The following NR3C2 variants were observed in gnomAD, a reference collection of about 807,000 sequenced individuals.
NR3C2 encodes the protein nuclear receptor subfamily 3 group C member 2.
NR3C2 carries 15 observed loss-of-function variants against 86.4 expected under a neutral mutation model. That is an observed-to-expected ratio of 0.17 (90% CI 0.12 to 0.27). NR3C2 has a LOEUF of 0.27. Among genes scored for constraint, NR3C2 ranks in the 10% least tolerant of loss-of-function variants. The probability of loss-of-function intolerance (pLI) is 1.00; values close to 1 mark genes in which losing one functional copy is unlikely to be tolerated. For missense variants in NR3C2, 960 were observed against 1,195.6 expected, an observed-to-expected ratio of 0.80 and a Z score of 2.91; for synonymous variants, 458 against 450.5, an observed-to-expected ratio of 1.02 and a Z score of -0.21.
At chr4:148,384,530 T>C (rs1470232542) in intron 2 of NR3C2, among the ~76,000 whole-genome samples, 3 of 152,144 alleles carry the variant, frequency 2.0e-5, no homozygotes, top group African/African-American at 7.2e-5. Flanking sequence ...ATCAACAACA[T>C]ATGGTTTTGA....
intron 2 of NR3C2, among the ~76,000 whole-genome samples, chr4:148,359,828 C>G (rs776163096): frequency 4.6e-5 from 7 of 152,130 alleles, no homozygotes; most frequent in Non-Finnish European, 1.0e-4. Flanking sequence ...TTAAGAATGG[C>G]AATGTAATGT....
intron 2 of NR3C2, among the ~76,000 whole-genome samples, chr4:148,416,257 GACAC>G (rs1465881057): frequency 1.2e-4 from 19 of 152,038 alleles, no homozygotes; most frequent in Admixed American, 9.8e-4. Flanking sequence ...ACTTCCTGAT[GACAC>G]ACTCCTAGAA....
At chr4:148,390,387 AC>A (rs1747482755) in intron 2 of NR3C2, among the ~76,000 whole-genome samples, 1 of 152,058 alleles carries the variant, frequency 6.6e-6, no homozygotes, top group African/African-American at 2.4e-5. Flanking sequence ...TCAGGTGAAA[AC>A]ATGCCCAAAT....
intron 3 of NR3C2, among the ~76,000 whole-genome samples, chr4:148,196,258 G>A (rs139541014): frequency 3.3e-4 from 51 of 152,312 alleles, no homozygotes; most frequent in Non-Finnish European, 5.6e-4. Context: ...TAATTAAAAG[G>A]GGAAGACAGA....
intron 1 of NR3C2, among the ~76,000 whole-genome samples, chr4:148,438,091 C>T (rs1003680377): frequency 9.9e-5 from 15 of 152,194 alleles, no homozygotes; most frequent in African/African-American, 3.4e-4. Flanking sequence ...AGACACACAA[C>T]CAAGTGTTGG....
chr4:148,242,569 A>G (rs1739110049), intron 3 of NR3C2, among the ~76,000 whole-genome samples: 1 of 152,208 alleles, frequency 6.6e-6, no homozygotes. Context: ...AAGTAAAGCA[A>G]CATCACAACA....
chr4:148,310,768 A>T (rs923195446), intron 2 of NR3C2, among the ~76,000 whole-genome samples: 1 of 152,116 alleles, frequency 6.6e-6, no homozygotes, highest in African/African-American at 2.4e-5. Context: ...CTTTAAAATA[A>T]TTTTTTTAAA....
chr4:148,436,929 A>G, intron 1 of NR3C2, 67 bp from the exon 2 acceptor site: 1 of 1,289,964 alleles, frequency 7.8e-7, no homozygotes, highest in South Asian at 1.3e-5. Flanking sequence ...AAGACATTCT[A>G]AAATTGCATT....
chr4:148,315,485 A>G lies in NR3C2; in HGVS notation c.1758-55368T>C, dbSNP rs1182978310. On this transcript the variant is annotated intron_variant, in intron 2 of 8. Transcript: ENST00000358102. ...GTTTCTTCACAACGATGCTCTCAGG[A>G]TGCAAGATTTTACACCCTCTGAATA... Among the ~76,000 whole-genome samples, 6 of 152,226 alleles carry G rather than the reference A, an allele frequency of 3.9e-5. No homozygotes were observed. In the South Asian group the frequency reaches 1.2e-3, roughly 32 times the overall value.
At chr4:148,333,536 T>TAAAAAAAAAAAAGA (rs372805275) in intron 2 of NR3C2, among the ~76,000 whole-genome samples, 1 of 151,566 alleles carries the variant, frequency 6.6e-6, no homozygotes, top group Non-Finnish European at 1.5e-5. Context: ...AAAGTCTCCT[T>TAAAAAAAAAAAAGA]AAAATCTCCC....
intron 2 of NR3C2, among the ~76,000 whole-genome samples, chr4:148,313,919 T>C (rs529231884): frequency 1.4e-4 from 21 of 152,334 alleles, no homozygotes; most frequent in African/African-American, 5.0e-4. Flanking sequence ...TAATGGTTAA[T>C]ATAACCTATG....
At chr4:148,180,956 C>T (rs975468721) in intron 4 of NR3C2, among the ~76,000 whole-genome samples, 2 of 152,168 alleles carry the variant, frequency 1.3e-5, no homozygotes, top group African/African-American at 4.8e-5. Context: ...TCTCTCCAAC[C>T]CTCAAAAGCA....
At chr4:148,248,618 G>A (rs1199193132) in intron 3 of NR3C2, among the ~76,000 whole-genome samples, 8 of 152,120 alleles carry the variant, frequency 5.3e-5, no homozygotes, top group Non-Finnish European at 1.0e-4. Flanking sequence ...TAAATGCAAC[G>A]GCTTTCTCAG....
At chr4:148,289,073 T>C (rs1233528302) in intron 2 of NR3C2, among the ~76,000 whole-genome samples, 2 of 152,178 alleles carry the variant, frequency 1.3e-5, no homozygotes, top group Admixed American at 6.5e-5. Flanking sequence ...AGTGGGTCTT[T>C]GTCAGCTATT....
At chr4:148,311,756 C>T (rs1742909955) in intron 2 of NR3C2, among the ~76,000 whole-genome samples, 1 of 152,244 alleles carries the variant, frequency 6.6e-6, no homozygotes, top group African/African-American at 2.4e-5. Flanking sequence ...AATCACCTCA[C>T]TGCCAATTAC....
intron 2 of NR3C2, among the ~76,000 whole-genome samples, chr4:148,270,592 T>C (rs1740630528): frequency 6.6e-6 from 1 of 152,162 alleles, no homozygotes; most frequent in South Asian, 2.1e-4. Context: ...CCTCAAAATA[T>C]TTAAAATGGT....
chr4:148,146,945 A>G (rs61757899), intron 6 of NR3C2, among the ~76,000 whole-genome samples: 5,880 of 152,216 alleles, frequency 0.039, 393 homozygotes, highest in African/African-American at 0.13. Context: ...TAAAAAAAGA[A>G]AAAAAAAGTC....
At chr4:148,119,660 C>G (rs1462559018) in intron 7 of NR3C2, among the ~76,000 whole-genome samples, 3 of 151,998 alleles carry the variant, frequency 2.0e-5, no homozygotes, top group Non-Finnish European at 4.4e-5. Context: ...GTGGTGCATG[C>G]CTGTAATCCC....
At chr4:148,212,901 G>T (rs1737350322) in intron 3 of NR3C2, among the ~76,000 whole-genome samples, 1 of 152,078 alleles carries the variant, frequency 6.6e-6, no homozygotes, top group Non-Finnish European at 1.5e-5. Flanking sequence ...AAAAATATTT[G>T]CTTGCAAGAA....
Sources: allele counts gnomAD v4.1 joint callset (sites outside exome capture counted in the v4.1 genomes callset), GRCh38; gene constraint gnomAD v4.1.1; transcripts MANE v1.5; gene names NCBI Gene and HGNC (gene_info 2026-07-23, HGNC 2026-07-21).